NSUN7: variants seen among roughly 807,000 people sequenced by gnomAD.
NSUN7 encodes protein NSUN7.
In NSUN7, 39 loss-of-function variants were observed where a neutral mutation model predicts 58.5. That is an observed-to-expected ratio of 0.67 (90% confidence interval 0.52 to 0.87). The LOEUF (loss-of-function observed/expected upper bound fraction) is 0.87, where lower values mean the gene tolerates loss of function less well. NSUN7 is among the 40% of genes least tolerant of loss of function. NSUN7 has a pLI of 0.00. For missense variants in NSUN7, 765 were observed against 844.1 expected (o/e 0.91, Z 1.16); for synonymous variants, 278 against 303.7 (o/e 0.92, Z 0.88).
Position 40,794,381 on chromosome 4 carries a change from A to G in NSUN7, c.1187A>G (p.Glu396Gly). The stretch of plus-strand genomic sequence containing the variant: ...ATTTCTTTTTAAAATTCAGATACAG[A>G]ATTCCTTAAAGATCACTCTCAAGGA... ...EFILNEHEDTEFLKDHSQGGI... is the reference protein window; with the variant it reads ...EFILNEHEDTGFLKDHSQGGI... The change falls in exon 9 of 12, where the codon GAA becomes GGA. Residue 396 changes from glutamate (E) to glycine (G), a missense_variant. Physicochemically the swap from Glu to Gly is moderately conservative, Grantham distance 98. Coordinates refer to ENST00000381782, the MANE Select transcript of NSUN7 (RefSeq NM_024677.6). 2 of 1,597,116 alleles carry G rather than the reference A, an allele frequency of 1.3e-6. No individual in the cohort carries two copies. The highest frequency in any genetic ancestry group is 1.7e-6 in the Non-Finnish European group (2 of 1,167,978).
chr4:40,808,256 GAC>G (rs771440230), intron 11 of NSUN7, 49 bp from the exon 12 acceptor site: 7 of 1,528,972 alleles, frequency 4.6e-6, no homozygotes, highest in South Asian at 2.6e-5. Flanking sequence ...ATTTGCGGGA[GAC>G]ACAATAATAG....
At chr4:40,765,808 G>T (rs1296560013) in intron 4 of NSUN7, among the ~76,000 whole-genome samples, 1 of 152,118 alleles carries the variant, frequency 6.6e-6, no homozygotes, top group Non-Finnish European at 1.5e-5. Flanking sequence ...TCCCTTGTAA[G>T]TTGGATTCCT....
rs188343058 is a variant in NSUN7 at position 40,798,761 on chromosome 4, A to G, written c.1283-26A>G. 231 of 1,266,716 alleles carry G rather than the reference A, an allele frequency of 1.8e-4. 1 individual carries two copies. In the African/African-American group the frequency reaches 3.2e-3, roughly 18 times the overall value. 78.5% of individuals were successfully genotyped at this position (1,266,716 alleles called of 1,614,324 possible). On this transcript the variant is annotated intron_variant, in intron 9 of 11. Coordinates refer to ENST00000381782, the MANE Select transcript of NSUN7 (RefSeq NM_024677.6). ...ATAGGATTGTTAATATAGTTGTTACAGTCATTGCATCTTCTTCTAATATAG... is the reference window on the plus strand; with the variant it reads ...ATAGGATTGTTAATATAGTTGTTACGGTCATTGCATCTTCTTCTAATATAG...
In NSUN7 at chr4:40,774,843, G is replaced by C; in HGVS notation, c.718G>C (p.Val240Leu). The part of the protein sequence containing the change: ...VKSVLHIDDK[V>L]FAVDQHCYDV... ...ATCTGTATTGCATATTGATGATAAA[G>C]TCTTTGCTGTGGATCAACATTGCTA... The change falls in exon 6 of 12, where the codon GTC (valine) becomes CTC (leucine). Residue 240 changes from valine (V) to leucine (L), a missense_variant. Physicochemically the swap from Val to Leu is conservative, Grantham distance 32. Coordinates refer to ENST00000381782, the MANE Select transcript of NSUN7 (RefSeq NM_024677.6). 6.5e-7 allele frequency: 1 copy of C among 1,538,004 alleles called. No homozygotes were observed. Among genetic ancestry groups the C allele is most frequent in the Non-Finnish European group, 9.0e-7 (1 of 1,111,894 alleles).
At chr4:40,803,048 G>A (rs1036136911) in intron 10 of NSUN7, among the ~76,000 whole-genome samples, 14 of 147,362 alleles carry the variant, frequency 9.5e-5, no homozygotes, top group Non-Finnish European at 1.8e-4. Context: ...TTGGTTTTTT[G>A]TCCTTGTGAT....
At chr4:40,781,692 T>C (rs1195064252) in intron 7 of NSUN7, among the ~76,000 whole-genome samples, 1 of 152,222 alleles carries the variant, frequency 6.6e-6, no homozygotes, top group Non-Finnish European at 1.5e-5. Flanking sequence ...GCAAGCCTTC[T>C]GTCTTGGCCT....
Position 40,775,007 on chromosome 4 carries a change from T to G in NSUN7, c.825+57T>G. 1 of 732,514 alleles carries G rather than the reference T, an allele frequency of 1.4e-6. No individual in the cohort carries two copies. Among genetic ancestry groups the G allele is most frequent in the South Asian group, 2.1e-5 (1 of 48,772 alleles). 45.4% of individuals were successfully genotyped at this position (732,514 alleles called of 1,614,324 possible). On this transcript the variant is annotated intron_variant, in intron 6 of 11. Coordinates refer to ENST00000381782, the MANE Select transcript of NSUN7 (RefSeq NM_024677.6). The surrounding 1 kb of genome is among the most constrained non-coding windows in gnomAD (Gnocchi z 4.3). ...CAACAATCCAACCTAGCCAAAGAAC[T>G]TCTCCACTTAAAAATAAAACCTAAC...
chr4:40,808,389 G>A lies in NSUN7; in HGVS notation c.1607G>A (p.Gly536Asp), dbSNP rs761196367. Residue 536 changes from glycine to aspartate, a missense_variant, in exon 12 of 12, where the codon GGT (glycine) becomes GAT (aspartate). Transcript: ENST00000381782. ...GGTCTGCTGGATGGGATTGAGTTGG[G>A]TAAATCATCAAAACGGGAGAAGAAG... ...AKGLLDGIEL[G>D]KSSKREKKKK... The A allele has an allele frequency of 4.3e-6, 7 of 1,614,056 alleles. No homozygotes were observed. The South Asian group carries it at 7.7e-5, about 18-fold the overall frequency.
chr4:40,751,762 G>T (rs1446400120), intron 2 of NSUN7, among the ~76,000 whole-genome samples: 1 of 152,126 alleles, frequency 6.6e-6, no homozygotes, highest in Non-Finnish European at 1.5e-5. Flanking sequence ...TCGAAGCCAA[G>T]GTGGGAGGAT....
At chr4:40,761,049 C>A in intron 3 of NSUN7, 122 bp from the exon 4 acceptor site, 1 of 717,742 alleles carries the variant, frequency 1.4e-6, no homozygotes. Flanking sequence ...TCCAATCAGA[C>A]TATGTAAAAA....
In NSUN7 at chr4:40,768,351, G is replaced by A. The variant is rs770339165; in HGVS notation, c.489-5914G>A. Among the ~76,000 whole-genome samples, 82 of 151,854 alleles carry A rather than the reference G, an allele frequency of 5.4e-4. 1 individual carries two copies. The highest frequency in any genetic ancestry group is 1.1e-3 in the Non-Finnish European group (74 of 67,968). On this transcript the variant is annotated intron_variant, in intron 4 of 11. Transcript: ENST00000381782. ...CAAGTAGCTGGGATTACAGGTGTGC[G>A]CCATTATGCCTGTGTTTTTGTAGAG...
chr4:40,766,187 T>C (rs1354119536), intron 4 of NSUN7, among the ~76,000 whole-genome samples: 1 of 152,176 alleles, frequency 6.6e-6, no homozygotes, highest in African/African-American at 2.4e-5. Flanking sequence ...CTTCCAGTTT[T>C]TGCCCATTCA....
chr4:40,798,065 C>G (rs1032165030), intron 9 of NSUN7, among the ~76,000 whole-genome samples: 1 of 152,216 alleles, frequency 6.6e-6, no homozygotes, highest in Non-Finnish European at 1.5e-5. Flanking sequence ...CTTTCTCTCA[C>G]TGCTCTATTT....
At chr4:40,794,115 C>T (rs1027129084) in intron 8 of NSUN7, among the ~76,000 whole-genome samples, 24 of 152,104 alleles carry the variant, frequency 1.6e-4, no homozygotes, top group African/African-American at 5.6e-4. Context: ...ACTTGGATGA[C>T]TATCTCATAG....
chr4:40,794,815 T>C (rs1157502885), intron 9 of NSUN7, among the ~76,000 whole-genome samples: 1 of 152,224 alleles, frequency 6.6e-6, no homozygotes, highest in African/African-American at 2.4e-5. Flanking sequence ...CTGTTGTCAT[T>C]GTGCCTACCC....
At position 40,775,051 on chromosome 4, in the gene NSUN7, G is replaced by A; in HGVS notation, c.825+101G>A. On this transcript the variant is annotated intron_variant, in intron 6 of 11. Coordinates refer to ENST00000381782, the MANE Select transcript of NSUN7 (RefSeq NM_024677.6). This position sits in a 1 kb window ranked among gnomAD's most constrained non-coding sequence, Gnocchi z 4.3. ...ACCTAACACTGTTTATATTTTTATA[G>A]ATTATCAGGGAGGTTTATAAGGCCT... The A allele has an allele frequency of 1.8e-6, 1 of 544,116 alleles. No individual in the cohort carries two copies. Among genetic ancestry groups the A allele is most frequent in the Non-Finnish European group, 3.2e-6 (1 of 314,108 alleles). 33.7% of individuals were successfully genotyped at this position (544,116 alleles called of 1,614,324 possible). A position where few individuals can be genotyped will look rare whatever the true frequency, so the allele number is the denominator to read the frequency against.
Position 40,809,011 on chromosome 4 carries a change from T to A in NSUN7, c.*72T>A, listed in dbSNP as rs143423489. On this transcript the variant is annotated 3_prime_UTR_variant, in exon 12 of 12. Transcript: ENST00000381782. ...CAAAGTCTAGTATTTCTCTGAAGAT[T>A]CTACATCTCTACACAAGATATTCAT... 7 of 1,359,210 alleles carry A rather than the reference T, an allele frequency of 5.2e-6. No homozygotes were observed. The East Asian group carries it at 1.5e-4, about 29-fold the overall frequency. The allele number at this position is 1,359,210 out of a possible 1,614,324, so 84.2% of individuals were successfully genotyped here.
intron 7 of NSUN7, among the ~76,000 whole-genome samples, chr4:40,779,887 A>G (rs554566484): frequency 6.6e-6 from 1 of 152,302 alleles, no homozygotes; most frequent in South Asian, 2.1e-4. Context: ...GTTTGCTATA[A>G]TTTCTGGGAC....
At position 40,810,525 on chromosome 4, in the gene NSUN7, C is replaced by G. The variant is rs938196565; in HGVS notation, c.*1586C>G. On this transcript the variant is annotated 3_prime_UTR_variant, in exon 12 of 12. Coordinates refer to ENST00000381782, the MANE Select transcript of NSUN7 (RefSeq NM_024677.6). ...TCCAGGAGGTGCAGGTTGCAGTGAG[C>G]CAATATTGCCCCACTGCACTCCAGC... is the stretch of plus-strand genomic sequence containing the variant. 2 of 141,816 alleles carry G rather than the reference C, an allele frequency of 1.4e-5. No individual in the cohort carries two copies. The highest frequency in any genetic ancestry group is 1.5e-4 in the Admixed American group (2 of 13,188). 8.8% of individuals were successfully genotyped at this position (141,816 alleles called of 1,614,324 possible).
Sources: gnomAD v4.1 joint callset for allele counts (sites outside exome capture counted in the v4.1 genomes callset) on GRCh38, gnomAD v4.1.1 for gene constraint, Gnocchi (gnomAD v3.1) non-coding constraint, MANE v1.5 for transcripts, NCBI Gene and HGNC (gene_info 2026-07-23, HGNC 2026-07-21) for gene names.